The following CCDC60 variants were observed in gnomAD, a reference collection of about 807,000 sequenced individuals.
CCDC60 encodes coiled-coil domain containing 60.
A neutral mutation model predicts 63.5 loss-of-function variants in CCDC60; 54 were observed. The observed-to-expected ratio is 0.85, with a 90% CI of 0.68 to 1.07. The LOEUF is 1.07. Ranked by LOEUF, CCDC60 falls within the 50% of genes least tolerant of loss-of-function variation. The pLI, the probability that CCDC60 is intolerant of heterozygous loss-of-function variation, is 0.00. For synonymous variants in CCDC60, 206 were observed against 238.8 expected, an observed-to-expected ratio of 0.86 and a Z score of 1.27; for missense variants, 651 against 684.3, an observed-to-expected ratio of 0.95 and a Z score of 0.54.
intron 8 of CCDC60, among the ~76,000 whole-genome samples, chr12:119,519,063 C>T (rs1197494804): frequency 1.3e-5 from 2 of 152,246 alleles, no homozygotes; most frequent in Non-Finnish European, 2.9e-5. Context: ...CGCAGAGCTA[C>T]AGAGAGACGG....
chr12:119,339,936 G>C (rs1403621594), intron 1 of CCDC60, among the ~76,000 whole-genome samples: 2 of 152,168 alleles, frequency 1.3e-5, no homozygotes, highest in African/African-American at 4.8e-5. Context: ...GGCAAACTCT[G>C]TGGGTTCGAA....
rs886833953 is a variant in CCDC60 at position 119,387,032 on chromosome 12, T to A, written c.91-41651T>A. Among the ~76,000 whole-genome samples the A allele has an allele frequency of 1.1e-4, 13 of 120,268 alleles. No individual in the cohort carries two copies. The South Asian group carries it at 1.8e-3, about 17-fold the overall frequency. The allele number at this position is 120,268 out of a possible 152,430, so 78.9% of individuals were successfully genotyped here. ...CTCTCCCTCCCTCCCCCTCTGTCTC[T>A]CTCACACACACACACACACACACAC... is the stretch of plus-strand genomic sequence containing the variant. On this transcript the variant is annotated intron_variant, in intron 1 of 13. Coordinates refer to ENST00000327554, the MANE Select transcript of CCDC60 (RefSeq NM_178499.5).
At chr12:119,424,821 T>C (rs763210196) in intron 1 of CCDC60, among the ~76,000 whole-genome samples, 10 of 152,198 alleles carry the variant, frequency 6.6e-5, no homozygotes, top group Non-Finnish European at 1.3e-4. Flanking sequence ...AATTATACTT[T>C]GACAGAAATG....
rs1952757264 is a variant in CCDC60, at chr12:119,528,659, T to G, written c.1274T>G (p.Leu425Arg). Residue 425 changes from leucine to arginine, a missense_variant, in exon 12 of 14, where the codon CTT becomes CGT. Leu to Arg is a moderately radical substitution (Grantham distance 102). Transcript: ENST00000327554. ...ATCCAGAAGTTCCGTGCTTTTGTCC[T>G]TGTCTCAAATTTTCAAAAGGACATA... Reference protein sequence around the residue: ...RGIQKFRAFVLVSNFQKDIAK... With the variant: ...RGIQKFRAFVRVSNFQKDIAK... 6.2e-7 allele frequency: 1 copy of G among 1,613,994 alleles called. No homozygotes were observed. Among genetic ancestry groups the G allele is most frequent in the African/African-American group, 1.3e-5 (1 of 74,930 alleles).
At chr12:119,504,381 T>C (rs1951936558) in intron 6 of CCDC60, among the ~76,000 whole-genome samples, 1 of 151,980 alleles carries the variant, frequency 6.6e-6, no homozygotes, top group Non-Finnish European at 1.5e-5. Flanking sequence ...CCTTTCCTTC[T>C]AAAAATCCAC....
chr12:119,365,640 T>C (rs1446213202), intron 1 of CCDC60, among the ~76,000 whole-genome samples: 1 of 152,222 alleles, frequency 6.6e-6, no homozygotes, highest in East Asian at 1.9e-4. Context: ...CAAAGCAAGA[T>C]AAATAGAACT....
Position 119,522,939 on chromosome 12 carries a change from TGA to T in CCDC60, c.1046_1047del (p.Arg349IlefsTer18), listed in dbSNP as rs1450764535. The T allele has an allele frequency of 6.2e-7, 1 of 1,613,990 alleles. No individual in the cohort carries two copies. Among genetic ancestry groups the T allele is most frequent in the South Asian group, 1.1e-5 (1 of 91,080 alleles). ...TTGAAACCATCCTTTTGTGTTTCAG[TGA>T]GAGATCCAGCAGTACAAGTGCAGAA... is the stretch of plus-strand genomic sequence containing the variant. ...KEMQTTLKSS[E>X]RSSSTSAESH... On this transcript the variant is annotated frameshift_variant and splice_region_variant, in exon 10 of 14. Coordinates refer to ENST00000327554, the MANE Select transcript of CCDC60 (RefSeq NM_178499.5). LOFTEE classifies it high-confidence loss of function.
chr12:119,486,529 T>TA (rs1378876568), intron 4 of CCDC60, among the ~76,000 whole-genome samples: 5 of 152,024 alleles, frequency 3.3e-5, no homozygotes, highest in Non-Finnish European at 5.9e-5. Context: ...TTTTATTTAA[T>TA]AAAAAAAATT....
Position 119,490,441 on chromosome 12 carries a change from A to T in CCDC60, c.557+1575A>T, listed in dbSNP as rs143501383. Among the ~76,000 whole-genome samples, 521 of 152,272 alleles carry T rather than the reference A, an allele frequency of 3.4e-3. 3 individuals carry two copies. The highest frequency in any genetic ancestry group is 0.012 in the African/African-American group (483 of 41,544). On this transcript the variant is annotated intron_variant, in intron 5 of 13. Transcript: ENST00000327554. ...AGCAAGAGGTTTGGGAGCCTGGGAG[A>T]CCTGGGACCCCTCCAACTTACTTCT...
chr12:119,354,060 CTCTT>C (rs1415276465), intron 1 of CCDC60, among the ~76,000 whole-genome samples: 2 of 90,610 alleles, frequency 2.2e-5, no homozygotes, highest in Admixed American at 1.5e-4. Context: ...CTTGCTCTCT[CTCTT>C]TCTCTCTCTC....
At chr12:119,355,555 T>A (rs1476974470) in intron 1 of CCDC60, among the ~76,000 whole-genome samples, 1 of 152,192 alleles carries the variant, frequency 6.6e-6, no homozygotes, top group Non-Finnish European at 1.5e-5. Flanking sequence ...GCCTCAAAAT[T>A]GGGGCTTAGC....
intron 1 of CCDC60, among the ~76,000 whole-genome samples, chr12:119,360,241 G>A (rs1161269985): frequency 1.1e-4 from 17 of 151,200 alleles, no homozygotes; most frequent in Admixed American, 4.6e-4. Context: ...AGGGGCGGCC[G>A]GGCAGAGGCG....
intron 1 of CCDC60, among the ~76,000 whole-genome samples, chr12:119,380,603 TCA>T (rs1955998440): frequency 6.6e-6 from 1 of 152,246 alleles, no homozygotes; most frequent in South Asian, 2.1e-4. Context: ...AAATGATTTT[TCA>T]GTGTTACATA....
chr12:119,417,611 G>A (rs931574707), intron 1 of CCDC60, among the ~76,000 whole-genome samples: 31 of 152,248 alleles, frequency 2.0e-4, no homozygotes, highest in African/African-American at 7.5e-4. Flanking sequence ...GTCCTGAGCA[G>A]GTGCATAGTG....
At position 119,408,157 on chromosome 12, in the gene CCDC60, G is replaced by A. The variant is rs4274249; in HGVS notation, c.91-20526G>A. On this transcript the variant is annotated intron_variant, in intron 1 of 13. Coordinates refer to ENST00000327554, the MANE Select transcript of CCDC60 (RefSeq NM_178499.5). ...ACTAGCCCCTAAAGAGAAAGTAAATGAGTTTATGTAACCCAAATCATCAAC... is the reference window on the plus strand; with the variant it reads ...ACTAGCCCCTAAAGAGAAAGTAAATAAGTTTATGTAACCCAAATCATCAAC... Among the ~76,000 whole-genome samples, 14 of 152,300 alleles carry A rather than the reference G, an allele frequency of 9.2e-5. No individual in the cohort carries two copies. In the East Asian group the frequency reaches 2.3e-3, roughly 25 times the overall value.
intron 7 of CCDC60, among the ~76,000 whole-genome samples, chr12:119,507,525 TAC>T (rs1232231576): frequency 8.0e-6 from 1 of 124,960 alleles, no homozygotes; most frequent in Non-Finnish European, 1.6e-5. Context: ...TACATATATA[TAC>T]ACATATATAT....
chr12:119,392,645 G>C (rs923676157), intron 1 of CCDC60, among the ~76,000 whole-genome samples: 1 of 152,192 alleles, frequency 6.6e-6, no homozygotes, highest in African/African-American at 2.4e-5. Flanking sequence ...GCACAAAGTG[G>C]TGCTCAATAA....
chr12:119,491,713 T>TC (rs1491168952), intron 5 of CCDC60, among the ~76,000 whole-genome samples: 1 of 102,620 alleles, frequency 9.7e-6, no homozygotes, highest in East Asian at 2.0e-4. Flanking sequence ...AAGCAATATC[T>TC]TTTTTTTTTT....
At chr12:119,474,525 G>A (rs975718799) in intron 3 of CCDC60, among the ~76,000 whole-genome samples, 1 of 152,194 alleles carries the variant, frequency 6.6e-6, no homozygotes, top group African/African-American at 2.4e-5. Context: ...GCAGATTGTT[G>A]GTTGCCAGAT....
Sources: allele counts gnomAD v4.1 joint callset (sites outside exome capture counted in the v4.1 genomes callset), GRCh38; gene constraint gnomAD v4.1.1; transcripts MANE v1.5; gene names NCBI Gene and HGNC (gene_info 2026-07-23, HGNC 2026-07-21).